Variants in TOX observed in about 807,000 individuals in gnomAD.
TOX encodes thymocyte selection associated high mobility group box, also known as thymocyte selection-associated high mobility group box protein TOX.
A neutral mutation model predicts 53.7 loss-of-function variants in TOX; 11 were observed. The observed-to-expected ratio is 0.20, with a 90% CI of 0.13 to 0.34. The LOEUF (loss-of-function observed/expected upper bound fraction) is 0.34, where lower values mean the gene tolerates loss of function less well. TOX is among the 10% of genes least tolerant of loss of function. TOX has a pLI of 1.00. For missense variants in TOX, 570 were observed against 664.6 expected (o/e 0.86, Z 1.56); for synonymous variants, 225 against 245.3 (o/e 0.92, Z 0.77).
At chr8:58,945,984 T>C (rs1812516774) in intron 2 of TOX, among the ~76,000 whole-genome samples, 2 of 152,032 alleles carry the variant, frequency 1.3e-5, no homozygotes, top group Non-Finnish European at 2.9e-5. Flanking sequence ...GTATGTATCT[T>C]TAAATTATGT....
chr8:59,020,056 A>G (rs918339549), intron 1 of TOX, among the ~76,000 whole-genome samples: 1 of 152,224 alleles, frequency 6.6e-6, no homozygotes, highest in Admixed American at 6.5e-5. Flanking sequence ...TGCCTTGCCT[A>G]TGAGTTGTTT....
intron 7 of TOX, among the ~76,000 whole-genome samples, chr8:58,808,781 CT>C (rs902647273): frequency 1.3e-5 from 2 of 152,166 alleles, no homozygotes; most frequent in African/African-American, 4.8e-5. Context: ...TCTGCTTCTT[CT>C]TTTATTTGTA....
intron 1 of TOX, among the ~76,000 whole-genome samples, chr8:59,015,465 C>T (rs1302414208): frequency 1.3e-5 from 2 of 152,160 alleles, no homozygotes; most frequent in Non-Finnish European, 2.9e-5. Flanking sequence ...TTTGTTATGC[C>T]CTTTGTCAAG....
chr8:58,818,590 C>A (rs1348345889), intron 6 of TOX, among the ~76,000 whole-genome samples: 1 of 152,090 alleles, frequency 6.6e-6, no homozygotes, highest in Non-Finnish European at 1.5e-5. Flanking sequence ...CATAAAAACA[C>A]AATTATGTTT....
chr8:58,893,838 T>C (rs575989517), intron 3 of TOX, among the ~76,000 whole-genome samples: 2 of 152,310 alleles, frequency 1.3e-5, no homozygotes, highest in African/African-American at 2.4e-5. Flanking sequence ...AAAAAGAAGA[T>C]TGAAGTGTAA....
intron 1 of TOX, among the ~76,000 whole-genome samples, chr8:59,043,990 A>G (rs1352864755): frequency 6.6e-6 from 1 of 152,126 alleles, no homozygotes; most frequent in Non-Finnish European, 1.5e-5. Context: ...CAACCACAAA[A>G]TGTACTCTTC....
chr8:58,883,725 G>GT (rs544934871), intron 3 of TOX, among the ~76,000 whole-genome samples: 2,845 of 148,402 alleles, frequency 0.019, 35 homozygotes, highest in African/African-American at 0.02. Context: ...TCATTCGTAT[G>GT]TTTTTTTTTT....
At chr8:59,059,972 T>C (rs916358788) in intron 1 of TOX, among the ~76,000 whole-genome samples, 1 of 152,170 alleles carries the variant, frequency 6.6e-6, no homozygotes, top group Non-Finnish European at 1.5e-5. Context: ...GACACAGGCT[T>C]AATGTATGCT....
intron 6 of TOX, among the ~76,000 whole-genome samples, chr8:58,824,252 A>C (rs992023564): frequency 6.6e-6 from 1 of 152,154 alleles, no homozygotes; most frequent in African/African-American, 2.4e-5. Flanking sequence ...ACTTCAAGGG[A>C]TAAGGCCTGA....
intron 1 of TOX, among the ~76,000 whole-genome samples, chr8:59,054,834 A>C (rs1300560686): frequency 6.6e-6 from 1 of 151,446 alleles, no homozygotes; most frequent in Non-Finnish European, 1.5e-5. Flanking sequence ...AGAAAGAGAA[A>C]GGAAGAAAGA....
At chr8:58,915,238 C>A (rs1296597761) in intron 3 of TOX, among the ~76,000 whole-genome samples, 1 of 148,328 alleles carries the variant, frequency 6.7e-6, no homozygotes, top group Non-Finnish European at 1.5e-5. Flanking sequence ...TAGGCTCCAC[C>A]TCTGGGGGCA....
At chr8:59,084,958 A>G (rs905227199) in intron 1 of TOX, among the ~76,000 whole-genome samples, 1 of 152,260 alleles carries the variant, frequency 6.6e-6, no homozygotes, top group African/African-American at 2.4e-5. Context: ...ATCAATGGAT[A>G]TTCTGTAGTA....
chr8:58,848,057 G>A (rs1447135497), intron 4 of TOX, among the ~76,000 whole-genome samples: 1 of 151,978 alleles, frequency 6.6e-6, no homozygotes, highest in Admixed American at 6.6e-5. Flanking sequence ...TGTTTCATGA[G>A]GTTTATTCAG....
intron 1 of TOX, among the ~76,000 whole-genome samples, chr8:58,989,081 GAGGC>G (rs1323572578): frequency 1.3e-5 from 2 of 152,182 alleles, no homozygotes; most frequent in African/African-American, 2.4e-5. Context: ...GTGGGGGGCC[GAGGC>G]AGGTGGATCA....
intron 1 of TOX, among the ~76,000 whole-genome samples, chr8:59,095,239 AGTT>A (rs941051656): frequency 4.0e-5 from 6 of 151,582 alleles, no homozygotes; most frequent in South Asian, 2.1e-4. Flanking sequence ...GCTCTAAAAG[AGTT>A]GTTTTTTTTT....
intron 1 of TOX, among the ~76,000 whole-genome samples, chr8:59,040,234 C>T (rs1201583691): frequency 6.9e-6 from 1 of 143,954 alleles, no homozygotes; most frequent in Non-Finnish European, 1.5e-5. Context: ...GAGGCTGAGG[C>T]AGGAGAATGG....
At chr8:59,028,565 A>G (rs1563423098) in intron 1 of TOX, among the ~76,000 whole-genome samples, 1 of 151,878 alleles carries the variant, frequency 6.6e-6, no homozygotes, top group Admixed American at 6.6e-5. Flanking sequence ...ATACATGCAT[A>G]CATACATACA....
At chr8:58,968,803 A>T (rs1328819255) in intron 1 of TOX, among the ~76,000 whole-genome samples, 4 of 152,194 alleles carry the variant, frequency 2.6e-5, no homozygotes. Context: ...ACAAAACAAA[A>T]AATAAGACTA....
Position 58,881,192 on chromosome 8 carries a change from G to A in TOX, c.412-29387C>T, listed in dbSNP as rs931206695. On this transcript the variant is annotated intron_variant, in intron 3 of 8. Transcript: ENST00000361421. ...CAAAGATTTACCAACTTTTAACTTC[G>A]TTAAATGAGGACACTGCAAATCTGA... is the stretch of plus-strand genomic sequence containing the variant. Among the ~76,000 whole-genome samples the A allele has an allele frequency of 5.3e-5, 8 of 152,084 alleles. 1 individual carries two copies. In the Middle Eastern group the frequency reaches 0.014, roughly 259 times the overall value.
Sources: allele counts gnomAD v4.1 joint callset (sites outside exome capture counted in the v4.1 genomes callset), GRCh38; gene constraint gnomAD v4.1.1; transcripts MANE v1.5; gene names NCBI Gene and HGNC (gene_info 2026-07-23, HGNC 2026-07-21).